TAFA1: variants seen among roughly 807,000 people sequenced by gnomAD.
The protein encoded by TAFA1 is chemokine-like protein TAFA-1.
Under a neutral mutation model 18.5 loss-of-function variants are expected in TAFA1, and 4 were observed. The ratio of observed to expected loss-of-function variants is 0.22; its 90% CI spans 0.11 to 0.49. The LOEUF is 0.49. TAFA1 is among the 20% of genes least tolerant of loss of function. The pLI is 0.98. For missense variants in TAFA1, 147 were observed against 169.0 expected, an observed-to-expected ratio of 0.87 and a Z score of 0.72; for synonymous variants, 56 against 55.2, an observed-to-expected ratio of 1.01 and a Z score of -0.06.
chr3:68,213,139 T>G (rs527262653), intron 2 of TAFA1, among the ~76,000 whole-genome samples: 3 of 152,060 alleles, frequency 2.0e-5, no homozygotes, highest in Admixed American at 1.3e-4. Context: ...ATATAATCGG[T>G]TATAACACTT....
chr3:68,012,137 G>A (rs1704485091), intron 2 of TAFA1, among the ~76,000 whole-genome samples: 1 of 152,170 alleles, frequency 6.6e-6, no homozygotes, highest in South Asian at 2.1e-4. Context: ...TTCTGCGAAA[G>A]TATCAAAGCT....
intron 3 of TAFA1, among the ~76,000 whole-genome samples, chr3:68,496,490 G>C (rs1849230): frequency 6.6e-6 from 1 of 152,004 alleles, no homozygotes; most frequent in African/African-American, 2.4e-5. Context: ...AGGTTCTCCA[G>C]TTAACAGACT....
chr3:68,393,378 G>GAA lies in TAFA1; in HGVS notation c.119-23890_119-23889dup, dbSNP rs201653683. Among the ~76,000 whole-genome samples, 776 of 130,348 alleles carry GAA rather than the reference G, an allele frequency of 6.0e-3. 6 individuals are homozygous for GAA. Among genetic ancestry groups the GAA allele is most frequent in the South Asian group, 0.012 (49 of 3,986 alleles). The allele number at this position is 130,348 out of a possible 152,430, so 85.5% of individuals were successfully genotyped here. ...GGCAGTAATTAATAGCCTACCAATGGAAAAAAAAAAAAAGCCAGGATTAGA... is the reference window on the plus strand; with the variant it reads ...GGCAGTAATTAATAGCCTACCAATGGAAAAAAAAAAAAAAAGCCAGGATTAGA... On this transcript the variant is annotated intron_variant, in intron 2 of 4. Coordinates refer to ENST00000478136, the MANE Select transcript of TAFA1 (RefSeq NM_213609.4).
intron 3 of TAFA1, among the ~76,000 whole-genome samples, chr3:68,466,877 CA>C (rs1157343675): frequency 6.6e-6 from 1 of 152,094 alleles, no homozygotes; most frequent in South Asian, 2.1e-4. Context: ...AGCTGGGTAT[CA>C]GGGGAGACAT....
chr3:68,135,983 C>T (rs772208714), intron 2 of TAFA1, among the ~76,000 whole-genome samples: 5 of 152,154 alleles, frequency 3.3e-5, no homozygotes, highest in Non-Finnish European at 7.3e-5. Context: ...AAGTAGTTCT[C>T]AGCCAGCAGA....
chr3:68,352,565 C>T (rs1415561642), intron 2 of TAFA1, among the ~76,000 whole-genome samples: 2 of 152,044 alleles, frequency 1.3e-5, no homozygotes, highest in South Asian at 4.2e-4. Flanking sequence ...ATTTATATTC[C>T]ATCTGTCTGT....
chr3:68,068,644 A>C (rs973869131), intron 2 of TAFA1, among the ~76,000 whole-genome samples: 2 of 152,314 alleles, frequency 1.3e-5, no homozygotes, highest in African/African-American at 4.8e-5. Context: ...GAAAGCACAA[A>C]CTTCTTATTT....
At chr3:68,321,323 A>C (rs2068695041) in intron 2 of TAFA1, among the ~76,000 whole-genome samples, 1 of 152,178 alleles carries the variant, frequency 6.6e-6, no homozygotes, top group African/African-American at 2.4e-5. Context: ...TCAATAGCTT[A>C]GTTGTAAGAT....
At chr3:68,333,237 A>G (rs1320342071) in intron 2 of TAFA1, among the ~76,000 whole-genome samples, 1 of 152,214 alleles carries the variant, frequency 6.6e-6, no homozygotes, top group Non-Finnish European at 1.5e-5. Context: ...TAGGAAAATC[A>G]TGGAATCAAC....
intron 4 of TAFA1, 92 bp downstream of exon 4, chr3:68,538,972 C>G (rs556751803): frequency 6.7e-6 from 9 of 1,352,572 alleles, no homozygotes; most frequent in African/African-American, 2.9e-5. Flanking sequence ...AAGCTTTGCA[C>G]AGGAGAGAAG....
intron 2 of TAFA1, among the ~76,000 whole-genome samples, chr3:68,269,328 T>C (rs1274207704): frequency 6.6e-6 from 1 of 151,888 alleles, no homozygotes; most frequent in Non-Finnish European, 1.5e-5. Flanking sequence ...TAGTGGCACA[T>C]GCCTGTGATC....
At chr3:68,426,011 T>G (rs1351068343) in intron 3 of TAFA1, among the ~76,000 whole-genome samples, 1 of 150,438 alleles carries the variant, frequency 6.6e-6, no homozygotes, top group African/African-American at 2.5e-5. Context: ...CGTTTCCTAC[T>G]AATTTCAAGT....
intron 2 of TAFA1, among the ~76,000 whole-genome samples, chr3:68,106,605 AC>A (rs2065207568): frequency 6.6e-6 from 1 of 152,134 alleles, no homozygotes; most frequent in Non-Finnish European, 1.5e-5. Context: ...CTTTATGAAT[AC>A]AAAAATCTAT....
intron 2 of TAFA1, among the ~76,000 whole-genome samples, chr3:68,076,295 A>G (rs1559727844): frequency 6.6e-6 from 1 of 150,424 alleles, no homozygotes; most frequent in African/African-American, 2.5e-5. Context: ...TTTTTTTTGA[A>G]TGTTTGTTTG....
At chr3:68,388,804 C>T (rs189018067) in intron 2 of TAFA1, among the ~76,000 whole-genome samples, 1 of 151,780 alleles carries the variant, frequency 6.6e-6, no homozygotes, top group African/African-American at 2.4e-5. Context: ...CAGAAGGGAC[C>T]TTTTGGATGG....
At chr3:68,150,445 A>C (rs1383274473) in intron 2 of TAFA1, among the ~76,000 whole-genome samples, 2 of 152,230 alleles carry the variant, frequency 1.3e-5, no homozygotes, top group Non-Finnish European at 2.9e-5. Context: ...TTTGGAAATT[A>C]AGAAATTTGT....
intron 2 of TAFA1, among the ~76,000 whole-genome samples, chr3:68,178,833 G>A (rs2066159769): frequency 6.6e-6 from 1 of 152,246 alleles, no homozygotes; most frequent in Non-Finnish European, 1.5e-5. Context: ...AAGAGATGAT[G>A]TACTGAGGTA....
At chr3:68,181,788 G>A (rs2066204538) in intron 2 of TAFA1, among the ~76,000 whole-genome samples, 1 of 152,196 alleles carries the variant, frequency 6.6e-6, no homozygotes, top group Non-Finnish European at 1.5e-5. Context: ...AAGGAAAAGA[G>A]TGGAGGTTGC....
chr3:68,515,373 G>C (rs1396793603), intron 3 of TAFA1, among the ~76,000 whole-genome samples: 1 of 152,160 alleles, frequency 6.6e-6, no homozygotes, highest in Non-Finnish European at 1.5e-5. Context: ...ATAGCTATTT[G>C]TTTTTTCCAA....
Sources: allele counts gnomAD v4.1 joint callset (sites outside exome capture counted in the v4.1 genomes callset), GRCh38; gene constraint gnomAD v4.1.1; transcripts MANE v1.5; gene names NCBI Gene and HGNC (gene_info 2026-07-23, HGNC 2026-07-21).